The following ZNF407 variants were observed in gnomAD, a reference collection of about 807,000 sequenced individuals.
The protein encoded by ZNF407 is zinc finger protein 407.
ZNF407 carries 17 observed loss-of-function variants against 131.2 expected under a neutral mutation model. That is an observed-to-expected ratio of 0.13 (90% CI 0.09 to 0.19). The LOEUF is 0.19. ZNF407 is among the 10% of genes least tolerant of loss of function. The probability of loss-of-function intolerance (pLI) is 1.00; values close to 1 mark genes in which losing one functional copy is unlikely to be tolerated. For synonymous variants in ZNF407, 1,156 were observed against 1,062.0 expected (o/e 1.09, Z -1.72); for missense variants, 2,681 against 2,830.6 (o/e 0.95, Z 1.20).
Position 75,015,227 on chromosome 18 carries a change from T to C in ZNF407, c.5429-47923T>C, listed in dbSNP as rs539175190. Among the ~76,000 whole-genome samples, 19 of 152,144 alleles carry C rather than the reference T, an allele frequency of 1.2e-4. No individual in the cohort carries two copies. The South Asian group carries it at 3.7e-3, about 30-fold the overall frequency. ...ATAAATATTTTAGGGGAAAAGTCAATAATAAATTGGACCCAACAGTTATTA... is the reference window on the plus strand; with the variant it reads ...ATAAATATTTTAGGGGAAAAGTCAACAATAAATTGGACCCAACAGTTATTA... On this transcript the variant is annotated intron_variant, in intron 8 of 8. Coordinates refer to ENST00000299687, the MANE Select transcript of ZNF407 (RefSeq NM_017757.3).
intron 4 of ZNF407, among the ~76,000 whole-genome samples, chr18:74,827,171 A>T (rs1319333651): frequency 6.6e-6 from 1 of 152,132 alleles, no homozygotes; most frequent in African/African-American, 2.4e-5. Context: ...GATTGATCTG[A>T]TGTTTTCTTA....
chr18:74,931,511 C>T (rs534751174), intron 8 of ZNF407, among the ~76,000 whole-genome samples: 1 of 152,122 alleles, frequency 6.6e-6, no homozygotes, highest in African/African-American at 2.4e-5. Flanking sequence ...TGAAATTCCA[C>T]AGCTAGGGTT....
chr18:74,600,797 C>T (rs926733115), intron 1 of ZNF407, among the ~76,000 whole-genome samples: 7 of 152,128 alleles, frequency 4.6e-5, no homozygotes, highest in Non-Finnish European at 4.4e-5. Context: ...GGCTGGATCA[C>T]GGAGTATAAG....
chr18:74,968,135 G>A (rs1216782511), intron 8 of ZNF407, among the ~76,000 whole-genome samples: 1 of 152,012 alleles, frequency 6.6e-6, no homozygotes, highest in Non-Finnish European at 1.5e-5. Flanking sequence ...TAAAGGCTGG[G>A]GTGCTCCTTT....
At chr18:74,647,123 A>T (rs1388820721) in intron 3 of ZNF407, among the ~76,000 whole-genome samples, 1 of 150,540 alleles carries the variant, frequency 6.6e-6, no homozygotes, top group Non-Finnish European at 1.5e-5. Context: ...TTTTTTTTTT[A>T]AAGTGGCTTC....
intron 3 of ZNF407, among the ~76,000 whole-genome samples, chr18:74,681,463 A>G (rs1966980587): frequency 6.6e-6 from 1 of 152,084 alleles, no homozygotes; most frequent in Non-Finnish European, 1.5e-5. Flanking sequence ...GGCTAGTCTC[A>G]AACTTCTGGC....
At chr18:74,606,536 C>T (rs1372795289) in intron 1 of ZNF407, among the ~76,000 whole-genome samples, 1 of 152,130 alleles carries the variant, frequency 6.6e-6, no homozygotes, top group African/African-American at 2.4e-5. Flanking sequence ...AGCCACTGCA[C>T]CCAGCCTAGA....
intron 8 of ZNF407, among the ~76,000 whole-genome samples, chr18:74,980,279 G>C (rs1972574239): frequency 6.9e-6 from 1 of 144,342 alleles, no homozygotes; most frequent in African/African-American, 2.6e-5. Flanking sequence ...TTTCTTTAAA[G>C]AGTCACTGGA....
At chr18:74,852,988 A>G (rs1163764356) in intron 4 of ZNF407, among the ~76,000 whole-genome samples, 2 of 152,224 alleles carry the variant, frequency 1.3e-5, no homozygotes, top group African/African-American at 4.8e-5. Flanking sequence ...TAATATCACA[A>G]TTTAATCCAA....
At chr18:74,897,617 A>G (rs1377894239) in intron 7 of ZNF407, among the ~76,000 whole-genome samples, 1 of 152,162 alleles carries the variant, frequency 6.6e-6, no homozygotes, top group African/African-American at 2.4e-5. Flanking sequence ...GGCCTTAGAG[A>G]TGAAAAAAAT....
intron 8 of ZNF407, among the ~76,000 whole-genome samples, chr18:75,039,205 G>T (rs1212454084): frequency 6.6e-6 from 1 of 152,188 alleles, no homozygotes; most frequent in African/African-American, 2.4e-5. Flanking sequence ...TAAGATGCTT[G>T]TCTTTTAAAA....
In ZNF407 at chr18:74,803,946, G is replaced by A. The variant is rs574501904; in HGVS notation, c.4877+22444G>A. ...AAACATGAAGCAATTTAACAAACTT[G>A]ATTGTCCTTGGCTTCAGAGTAAAGG... On this transcript the variant is annotated intron_variant, in intron 4 of 8. Transcript: ENST00000299687. 2.5e-5 allele frequency: 39 copies of A among 1,550,304 alleles called. No individual in the cohort carries two copies. In the East Asian group the frequency reaches 6.6e-4, roughly 26 times the overall value.
At chr18:74,738,285 C>T (rs1003454040) in intron 3 of ZNF407, among the ~76,000 whole-genome samples, 4 of 151,484 alleles carry the variant, frequency 2.6e-5, no homozygotes, top group African/African-American at 4.8e-5. Flanking sequence ...CCAGGTGTGG[C>T]GGTGCGTGCC....
chr18:74,982,923 G>A (rs898243239), intron 8 of ZNF407, among the ~76,000 whole-genome samples: 9 of 151,944 alleles, frequency 5.9e-5, no homozygotes, highest in African/African-American at 1.9e-4. Context: ...TGTTATTCCT[G>A]AAAGGCTTAC....
At chr18:74,831,241 T>C (rs1970479118) in intron 4 of ZNF407, among the ~76,000 whole-genome samples, 1 of 152,190 alleles carries the variant, frequency 6.6e-6, no homozygotes, top group African/African-American at 2.4e-5. Context: ...AACATAGGAG[T>C]ACAGGCATTT....
intron 4 of ZNF407, chr18:74,803,953 C>G: frequency 2.6e-6 from 4 of 1,551,186 alleles, no homozygotes; most frequent in Non-Finnish European, 3.5e-6. Context: ...CTTGATTGTC[C>G]TTGGCTTCAG....
chr18:74,912,100 T>A (rs372069524), intron 7 of ZNF407, among the ~76,000 whole-genome samples: 1 of 152,170 alleles, frequency 6.6e-6, no homozygotes, highest in Non-Finnish European at 1.5e-5. Context: ...TTGTTTAGAA[T>A]CTCTGTGTGC....
chr18:74,651,265 A>G (rs1466471514), intron 3 of ZNF407, among the ~76,000 whole-genome samples: 2 of 152,166 alleles, frequency 1.3e-5, no homozygotes, highest in African/African-American at 4.8e-5. Flanking sequence ...TTTGAAGGAG[A>G]TTTAAGAATC....
At chr18:74,982,823 A>G (rs777304776) in intron 8 of ZNF407, among the ~76,000 whole-genome samples, 1 of 152,244 alleles carries the variant, frequency 6.6e-6, no homozygotes, top group African/African-American at 2.4e-5. Context: ...TATCACTGAT[A>G]GGTCTTGTCA....
Sources: allele counts gnomAD v4.1 joint callset (sites outside exome capture counted in the v4.1 genomes callset), GRCh38; gene constraint gnomAD v4.1.1; transcripts MANE v1.5; gene names NCBI Gene and HGNC (gene_info 2026-07-23, HGNC 2026-07-21).